Variants in FBXO16 observed in about 807,000 individuals in gnomAD.
The protein encoded by FBXO16 is F-box only protein 16.
A neutral mutation model predicts 41.0 loss-of-function variants in FBXO16; 31 were observed. That is an observed-to-expected ratio of 0.76 (90% CI 0.57 to 1.02). The LOEUF (loss-of-function observed/expected upper bound fraction) is 1.02. Ranked by LOEUF, FBXO16 falls within the 50% of genes least tolerant of loss-of-function variation. The pLI, the probability that FBXO16 is intolerant of heterozygous loss-of-function variation, is 0.00. For synonymous variants in FBXO16, 133 were observed against 117.8 expected (o/e 1.13, Z -0.84); for missense variants, 361 against 346.2 (o/e 1.04, Z -0.34).
At chr8:28,451,052 C>T (rs1032719806) in intron 6 of FBXO16, among the ~76,000 whole-genome samples, 8 of 152,156 alleles carry the variant, frequency 5.3e-5, no homozygotes, top group Non-Finnish European at 1.0e-4. Flanking sequence ...AAGGTAATGT[C>T]CTTTACTAAG....
chr8:28,459,040 T>C (rs905531127), intron 4 of FBXO16, among the ~76,000 whole-genome samples: 8 of 152,168 alleles, frequency 5.3e-5, no homozygotes, highest in Non-Finnish European at 1.0e-4. Flanking sequence ...TTATGACTTA[T>C]AGTGCATGCA....
chr8:28,433,201 TTTCTG>T (rs1247902835), intron 7 of FBXO16, among the ~76,000 whole-genome samples: 1 of 149,936 alleles, frequency 6.7e-6, no homozygotes, highest in Non-Finnish European at 1.5e-5. Flanking sequence ...TCAGTTGAGC[TTTCTG>T]TTCTTTTTCT....
At chr8:28,434,243 G>A (rs982372146) in intron 7 of FBXO16, among the ~76,000 whole-genome samples, 6 of 152,196 alleles carry the variant, frequency 3.9e-5, no homozygotes, top group Admixed American at 6.5e-5. Context: ...TTACAGGTGT[G>A]AACCACTGCA....
chr8:28,433,064 AAAAAAAAAACAAACAAAAAAC>A (rs1481027012), intron 7 of FBXO16, among the ~76,000 whole-genome samples: 4,312 of 136,932 alleles, frequency 0.031, 202 homozygotes, highest in East Asian at 0.21. Context: ...TCGTCCAAAA[AAAAAAAAAACAAACAAAAAAC>A]AAACAAACAA....
Position 28,452,235 on chromosome 8 carries a change from G to C in FBXO16, c.740+9C>G. On this transcript the variant is annotated intron_variant, in intron 6 of 8. Transcript: ENST00000380254. ...ACGAAGAAGTTGAGAAGAGCATGGA[G>C]CTTCTTACCCTTGCTGGACAGTCTC... The C allele has an allele frequency of 6.2e-7, 1 of 1,608,716 alleles. No individual in the cohort carries two copies. The highest frequency in any genetic ancestry group is 8.5e-7 in the Non-Finnish European group (1 of 1,175,952).
At chr8:28,477,897 T>C (rs1322204119) in intron 2 of FBXO16, among the ~76,000 whole-genome samples, 1 of 152,036 alleles carries the variant, frequency 6.6e-6, no homozygotes, top group Non-Finnish European at 1.5e-5. Flanking sequence ...CTGGTGGTCC[T>C]AGCTACTTGG....
intron 5 of FBXO16, among the ~76,000 whole-genome samples, chr8:28,454,164 A>G (rs1465830560): frequency 1.3e-5 from 2 of 151,614 alleles, no homozygotes; most frequent in Non-Finnish European, 2.9e-5. Flanking sequence ...AAATTTATTT[A>G]TTCAATGAAT....
intron 7 of FBXO16, among the ~76,000 whole-genome samples, chr8:28,445,240 C>T (rs77870571): frequency 0.031 from 4,682 of 152,308 alleles, 234 homozygotes; most frequent in African/African-American, 0.11. Flanking sequence ...TCTTCTCTCA[C>T]TGCTTAATGT....
At chr8:28,453,092 T>C (rs1802982679) in intron 5 of FBXO16, among the ~76,000 whole-genome samples, 1 of 152,156 alleles carries the variant, frequency 6.6e-6, no homozygotes, top group Admixed American at 6.5e-5. Context: ...TTTCATGCAT[T>C]ATATTGTTTA....
chr8:28,429,230 G>T, intron 8 of FBXO16, 148 bp downstream of exon 8: 2 of 763,820 alleles, frequency 2.6e-6, no homozygotes, highest in Non-Finnish European at 4.2e-6. Context: ...TGATCCTCTC[G>T]CCTCTGCCTC....
intron 2 of FBXO16, among the ~76,000 whole-genome samples, chr8:28,480,221 T>C (rs1490876723): frequency 2.0e-5 from 3 of 152,210 alleles, no homozygotes; most frequent in Admixed American, 6.5e-5. Context: ...ATTTTATTTC[T>C]CACTATTCCA....
chr8:28,429,326 G>A lies in FBXO16; in HGVS notation c.869+52C>T, dbSNP rs113232830. ...TCTCCATTAATCAATACATGCACAC[G>A]ATCTCTCTAAAAAGGCAAATGTCAC... On this transcript the variant is annotated intron_variant, in intron 8 of 8. Coordinates refer to ENST00000380254, the MANE Select transcript of FBXO16 (RefSeq NM_172366.4). 8.4e-5 allele frequency: 134 copies of A among 1,593,330 alleles called. No homozygotes were observed. The African/African-American group carries it at 1.3e-3, about 16-fold the overall frequency.
chr8:28,456,515 G>C (rs2130136820), intron 5 of FBXO16: 2 of 381,210 alleles, frequency 5.2e-6, no homozygotes, highest in East Asian at 9.1e-5. Flanking sequence ...GACCTAGACA[G>C]AGAAAGAAGT....
rs538536053 is a variant in FBXO16 at position 28,439,883 on chromosome 8, G to T, written c.843+7288C>A. On this transcript the variant is annotated intron_variant, in intron 7 of 8. Coordinates refer to ENST00000380254, the MANE Select transcript of FBXO16 (RefSeq NM_172366.4). ...TCTGTTCTATAAATTCTTCTGTTTT[G>T]GTTCATTATACTTCCTAAAGTTCAA... Among the ~76,000 whole-genome samples, 332 of 151,668 alleles carry T rather than the reference G, an allele frequency of 2.2e-3. 2 individuals are homozygous for T. Among genetic ancestry groups the T allele is most frequent in the African/African-American group, 7.7e-3 (318 of 41,298 alleles).
At chr8:28,432,168 T>C (rs1017644555) in intron 7 of FBXO16, among the ~76,000 whole-genome samples, 1 of 144,120 alleles carries the variant, frequency 6.9e-6, no homozygotes, top group African/African-American at 2.6e-5. Context: ...TGTGTGTGTG[T>C]GACTGTTACA....
chr8:28,487,933 A>T (rs1803629192), intron 1 of FBXO16, among the ~76,000 whole-genome samples: 1 of 151,068 alleles, frequency 6.6e-6, no homozygotes, highest in Non-Finnish European at 1.5e-5. Context: ...GCTCACCACA[A>T]CCTCCGCCTC....
At chr8:28,488,203 G>A (rs73557252) in intron 1 of FBXO16, among the ~76,000 whole-genome samples, 6,160 of 151,390 alleles carry the variant, frequency 0.041, 405 homozygotes, top group African/African-American at 0.14. Context: ...GAGGGCCTAC[G>A]ACCCTAGTTC....
Position 28,428,515 on chromosome 8 carries a change from C to A in FBXO16, c.*212G>T. On this transcript the variant is annotated 3_prime_UTR_variant, in exon 9 of 9. Coordinates refer to ENST00000380254, the MANE Select transcript of FBXO16 (RefSeq NM_172366.4). Reference sequence around the variant, plus strand: ...GGAGCCAAGTAAATTCAGCTCTCCACTGTGCAAAGCATCTTGTCATTTCTA... The same window carrying A: ...GGAGCCAAGTAAATTCAGCTCTCCAATGTGCAAAGCATCTTGTCATTTCTA... 2 of 1,513,904 alleles carry A rather than the reference C, an allele frequency of 1.3e-6. No individual in the cohort carries two copies. The highest frequency in any genetic ancestry group is 1.4e-5 in the African/African-American group (1 of 71,810). 93.8% of individuals were successfully genotyped at this position (1,513,904 alleles called of 1,614,324 possible).
At chr8:28,433,834 T>C (rs1470591348) in intron 7 of FBXO16, among the ~76,000 whole-genome samples, 2 of 152,120 alleles carry the variant, frequency 1.3e-5, no homozygotes, top group African/African-American at 4.8e-5. Flanking sequence ...CAAGAGGCTA[T>C]TGAGGGTGAG....
Sources: gnomAD v4.1 joint callset for allele counts (sites outside exome capture counted in the v4.1 genomes callset) on GRCh38, gnomAD v4.1.1 for gene constraint, MANE v1.5 for transcripts, NCBI Gene and HGNC (gene_info 2026-07-23, HGNC 2026-07-21) for gene names.